DNAH10: variants seen among roughly 807,000 people sequenced by gnomAD.
The protein encoded by DNAH10 is axonemal beta dynein heavy chain 10.
Under a neutral mutation model 506.6 loss-of-function variants are expected in DNAH10, and 348 were observed. That is an observed-to-expected ratio of 0.69 (90% CI 0.63 to 0.75). The LOEUF (loss-of-function observed/expected upper bound fraction) is 0.75, where lower values mean the gene tolerates loss of function less well. Ranked by LOEUF, DNAH10 falls within the 30% of genes least tolerant of loss-of-function variation. The pLI is 0.00. For missense variants in DNAH10, 5,179 were observed against 5,787.1 expected, an observed-to-expected ratio of 0.89 and a Z score of 3.41; for synonymous variants, 2,059 against 2,198.6, an observed-to-expected ratio of 0.94 and a Z score of 1.78.
At chr12:123,920,662 T>G (rs952724043) in intron 65 of DNAH10, among the ~76,000 whole-genome samples, 2 of 152,250 alleles carry the variant, frequency 1.3e-5, no homozygotes, top group African/African-American at 4.8e-5. Flanking sequence ...AATTGTCTTA[T>G]ATGTCATGTT....
rs754188454 is a variant in DNAH10 at position 123,803,652 on chromosome 12, T to C, written c.2615-9T>C. ...AGCCAAATGTCTTTCTTTCTTTCTT[T>C]CTTCAAAGGTATCGGTGACTATATA... On this transcript the variant is annotated splice_polypyrimidine_tract_variant and intron_variant, in intron 16 of 78. Transcript: ENST00000673944. The C allele has an allele frequency of 6.5e-7, 1 of 1,533,236 alleles. No homozygotes were observed. Among genetic ancestry groups the C allele is most frequent in the South Asian group, 1.3e-5 (1 of 78,952 alleles). 95.0% of individuals were successfully genotyped at this position (1,533,236 alleles called of 1,614,324 possible). A position where few individuals can be genotyped will look rare whatever the true frequency, so the allele number is the denominator to read the frequency against.
chr12:123,777,316 A>G (rs1420313618), intron 5 of DNAH10, among the ~76,000 whole-genome samples: 1 of 152,244 alleles, frequency 6.6e-6, no homozygotes. Flanking sequence ...TGGGTGATCC[A>G]GAAGCCAAGA....
At chr12:123,767,783 A>G in intron 2 of DNAH10, 94 bp downstream of exon 2, 2 of 1,034,936 alleles carry the variant, frequency 1.9e-6, no homozygotes, top group Non-Finnish European at 2.9e-6. Context: ...AATCAGTTGT[A>G]CTTTCACTGG....
At chr12:123,803,539 G>T in intron 16 of DNAH10, 122 bp from the exon 17 acceptor site, 1 of 983,416 alleles carries the variant, frequency 1.0e-6, no homozygotes, top group East Asian at 2.8e-5. Context: ...GACCCAAGGG[G>T]TTGGAATGAG....
intron 62 of DNAH10, among the ~76,000 whole-genome samples, chr12:123,915,209 GCCTCTCC>G (rs140608010): frequency 0.14 from 21,855 of 151,998 alleles, 1,954 homozygotes; most frequent in African/African-American, 0.25. Context: ...CATGAACTCT[GCCTCTCC>G]CCTCGCAGGC....
Position 123,881,586 on chromosome 12 carries a change from A to G in DNAH10, c.8635-39A>G, listed in dbSNP as rs913782867. Reference sequence around the variant, plus strand: ...AGATGGGTAGATTGTAAAACCCACCATGCTGGGTTTTGAATTCTTTTTTTT... The same window carrying G: ...AGATGGGTAGATTGTAAAACCCACCGTGCTGGGTTTTGAATTCTTTTTTTT... On this transcript the variant is annotated intron_variant, in intron 50 of 78. Coordinates refer to ENST00000673944, the MANE Select transcript of DNAH10 (RefSeq NM_001372106.1). 16 of 1,506,986 alleles carry G rather than the reference A, an allele frequency of 1.1e-5. No individual in the cohort carries two copies. The African/African-American group carries it at 1.3e-4, about 12-fold the overall frequency. 93.4% of individuals were successfully genotyped at this position (1,506,986 alleles called of 1,614,324 possible).
chr12:123,896,172 G>C (rs1398396188), intron 54 of DNAH10, among the ~76,000 whole-genome samples: 2 of 151,090 alleles, frequency 1.3e-5, no homozygotes, highest in Non-Finnish European at 1.5e-5. Flanking sequence ...GAGAGAGAGA[G>C]AGAGAGAGAG....
intron 25 of DNAH10, 130 bp from the exon 26 acceptor site, chr12:123,830,416 G>A (rs1960417423): frequency 1.9e-6 from 2 of 1,044,080 alleles, no homozygotes; most frequent in Non-Finnish European, 1.4e-6. Flanking sequence ...TTCTAATGAT[G>A]TCCTCATGTT....
Position 123,893,057 on chromosome 12 carries a change from G to T in DNAH10, c.8996-176G>T, listed in dbSNP as rs1452097492. Among the ~76,000 whole-genome samples, 6 of 152,232 alleles carry T rather than the reference G, an allele frequency of 3.9e-5. No individual in the cohort carries two copies. In the East Asian group the frequency reaches 7.7e-4, roughly 20 times the overall value. ...CCCGTTTGACAGACAGGAGCTGGAGGCTCTAAGGGCTTGCCACGAGGTGGC... is the reference window on the plus strand; with the variant it reads ...CCCGTTTGACAGACAGGAGCTGGAGTCTCTAAGGGCTTGCCACGAGGTGGC... On this transcript the variant is annotated intron_variant, in intron 52 of 78. Coordinates refer to ENST00000673944, the MANE Select transcript of DNAH10 (RefSeq NM_001372106.1).
intron 1 of DNAH10, among the ~76,000 whole-genome samples, chr12:123,766,393 A>G (rs555250791): frequency 6.6e-6 from 1 of 152,322 alleles, no homozygotes; most frequent in South Asian, 2.1e-4. Flanking sequence ...ATGGATATAT[A>G]GAGTTCCTAA....
intron 15 of DNAH10, 108 bp downstream of exon 15, chr12:123,800,496 T>G: frequency 9.1e-7 from 1 of 1,096,158 alleles, no homozygotes; most frequent in Non-Finnish European, 1.3e-6. Flanking sequence ...TTTTTGTGGA[T>G]TTTATAATTA....
chr12:123,867,083 A>G (rs1594236789), intron 41 of DNAH10, among the ~76,000 whole-genome samples: 2 of 152,178 alleles, frequency 1.3e-5, no homozygotes, highest in East Asian at 3.9e-4. Context: ...GACCCTTGCA[A>G]TCCCTGGTGG....
chr12:123,889,042 C>G (rs1313959294), intron 52 of DNAH10, among the ~76,000 whole-genome samples: 1 of 152,210 alleles, frequency 6.6e-6, no homozygotes, highest in Non-Finnish European at 1.5e-5. Context: ...TCTAACATAA[C>G]AGTGAGGCTG....
In DNAH10 at chr12:123,867,973, G is replaced by A. The variant is rs1312019147; in HGVS notation, c.7373G>A (p.Cys2458Tyr). Reference protein sequence around the residue: ...GEIEDLDLLECYFLEALYCSL... With the variant: ...GEIEDLDLLEYYFLEALYCSL... ...ATAGAAGACCTTGACCTGCTGGAGT[G>A]CTACTTCCTGGAGGCTTTGTACTGC... Residue 2458 changes from cysteine to tyrosine, a missense_variant, in exon 43 of 79, where the codon TGC becomes TAC. Transcript: ENST00000673944. The A allele has an allele frequency of 6.2e-7, 1 of 1,613,822 alleles. No individual in the cohort carries two copies. The highest frequency in any genetic ancestry group is 8.5e-7 in the Non-Finnish European group (1 of 1,179,882).
intron 4 of DNAH10, among the ~76,000 whole-genome samples, chr12:123,773,880 C>T (rs764938762): frequency 2.0e-5 from 3 of 152,324 alleles, no homozygotes; most frequent in East Asian, 1.9e-4. Flanking sequence ...TTTTGTCCAG[C>T]GTTAGATACT....
rs376946277 is a variant in DNAH10 at position 123,913,135 on chromosome 12, G to A, written c.10172G>A (p.Arg3391Gln). The A allele has an allele frequency of 1.0e-4, 162 of 1,611,634 alleles. 1 individual carries two copies. In the Middle Eastern group the frequency reaches 1.5e-3, roughly 15 times the overall value. Residue 3391 changes from arginine to glutamine, a missense_variant, in exon 60 of 79, where the codon CGG becomes CAG. Around this residue, in one of 3 missense-constraint regions of DNAH10, gnomAD observed 4,844 missense variants for 5,430.5 expected, o/e 0.89. Coordinates refer to ENST00000673944, the MANE Select transcript of DNAH10 (RefSeq NM_001372106.1). This position sits in a 1 kb window ranked among gnomAD's most constrained non-coding sequence, Gnocchi z 5.1. Reference protein sequence around the residue: ...RLERNFYLTKRELERIQNELA... With the variant: ...RLERNFYLTKQELERIQNELA... ...GAGCGGAATTTTTACCTCACTAAAC[G>A]GGAACTGGAAAGGATCCAGAATGAG...
At chr12:123,808,505 G>A (rs1418028536) in intron 18 of DNAH10, among the ~76,000 whole-genome samples, 1 of 152,162 alleles carries the variant, frequency 6.6e-6, no homozygotes, top group Non-Finnish European at 1.5e-5. Flanking sequence ...GGGGATGTGA[G>A]TGCTCCTTTT....
chr12:123,925,062 G>A lies in DNAH10; in HGVS notation c.11779G>A (p.Asp3927Asn). The A allele has an allele frequency of 6.2e-7, 1 of 1,613,996 alleles. No individual in the cohort carries two copies. The highest frequency in any genetic ancestry group is 1.1e-5 in the South Asian group (1 of 91,082). Residue 3927 changes from aspartate to asparagine, a missense_variant, in exon 68 of 79, where the codon GAT (aspartate) becomes AAT (asparagine). Asp to Asn is a conservative substitution (Grantham distance 23). Transcript: ENST00000673944. The surrounding 1 kb of genome is among the most constrained non-coding windows in gnomAD (Gnocchi z 4.0). Reference sequence around the variant, plus strand: ...TTGCTTTTCCCAGTGGTATGACCTGGATTCACTGGAGCAGTTTCCCGTCCC... The same window carrying A: ...TTGCTTTTCCCAGTGGTATGACCTGAATTCACTGGAGCAGTTTCCCGTCCC... ...QTVWQEWYDL[D>N]SLEQFPVPLG...
Position 123,784,122 on chromosome 12 carries a change from A to T in DNAH10, c.1175A>T (p.His392Leu). 5.0e-6 allele frequency: 8 copies of T among 1,614,234 alleles called. No homozygotes were observed. Among genetic ancestry groups the T allele is most frequent in the Non-Finnish European group, 6.8e-6 (8 of 1,180,050 alleles). ...QPVFTELFKF[H>L]TEASDNVRFL... Reference sequence around the variant, plus strand: ...GTGTTCACCGAGTTATTCAAGTTCCACACGGAGGCCTCAGACAATGTGCGC... The same window carrying T: ...GTGTTCACCGAGTTATTCAAGTTCCTCACGGAGGCCTCAGACAATGTGCGC... Residue 392 changes from histidine (H) to leucine (L), a missense_variant, in exon 8 of 79, where the codon CAC (histidine) becomes CTC (leucine). Physicochemically the swap from His to Leu is moderately conservative, Grantham distance 99. Around this residue, in one of 3 missense-constraint regions of DNAH10, gnomAD observed 4,844 missense variants for 5,430.5 expected, o/e 0.89. Coordinates refer to ENST00000673944, the MANE Select transcript of DNAH10 (RefSeq NM_001372106.1).
Sources: gnomAD v4.1 joint callset for allele counts (sites outside exome capture counted in the v4.1 genomes callset) on GRCh38, gnomAD v4.1.1 for gene constraint, gnomAD v4.1.1 regional missense constraint, Gnocchi (gnomAD v3.1) non-coding constraint, MANE v1.5 for transcripts, NCBI Gene and HGNC (gene_info 2026-07-23, HGNC 2026-07-21) for gene names.